The following TSEN2 variants were observed in gnomAD, a reference collection of about 807,000 sequenced individuals.
TSEN2 encodes the protein tRNA-splicing endonuclease subunit Sen2.
Under a neutral mutation model 59.2 loss-of-function variants are expected in TSEN2, and 54 were observed. The observed-to-expected ratio is 0.91, with a 90% CI of 0.73 to 1.14. The LOEUF (loss-of-function observed/expected upper bound fraction) is 1.14. Ranked by LOEUF, TSEN2 falls within the 50% of genes most tolerant of loss-of-function variation. The pLI, the probability that TSEN2 is intolerant of heterozygous loss-of-function variation, is 0.00. For missense variants in TSEN2, 636 were observed against 576.2 expected (o/e 1.10, Z -1.06); for synonymous variants, 195 against 198.2 (o/e 0.98, Z 0.14).
rs1253671348 is a variant in TSEN2 at position 12,529,234 on chromosome 3, A to G, written c.1136+310A>G. On this transcript the variant is annotated intron_variant, in intron 9 of 11. Coordinates refer to ENST00000284995, the MANE Select transcript of TSEN2 (RefSeq NM_025265.4). ...GTAATCCCAGCACTTTGGGAGGCCA[A>G]GGTGGGTGGATCATGAGGTCAGGAA... 3.9e-5 allele frequency among the ~76,000 whole-genome samples: 6 copies of G among 152,204 alleles called. No individual in the cohort carries two copies. In the East Asian group the frequency reaches 5.8e-4, roughly 15 times the overall value.
intron 11 of TSEN2, 120 bp downstream of exon 11, chr3:12,531,779 C>A: frequency 1.4e-6 from 1 of 727,818 alleles, no homozygotes; most frequent in Non-Finnish European, 2.4e-6. Context: ...AGAGCCTTCT[C>A]AGGCAGGCTC....
At chr3:12,480,580 G>A (rs529044537), upstream of TSEN2, among the ~76,000 whole-genome samples, 10 of 139,930 alleles carry the variant, frequency 7.1e-5, no homozygotes, top group Admixed American at 3.1e-4. Context: ...GCCCAGGCTG[G>A]AGTGTAGTGG....
intron 4 of TSEN2, among the ~76,000 whole-genome samples, chr3:12,497,623 G>A (rs773923456): frequency 2.6e-5 from 4 of 152,180 alleles, no homozygotes; most frequent in African/African-American, 4.8e-5. Flanking sequence ...GCAGCAGCTC[G>A]CCCATCAGAA....
intron 6 of TSEN2, among the ~76,000 whole-genome samples, chr3:12,511,972 C>T (rs1398860106): frequency 6.6e-6 from 1 of 152,204 alleles, no homozygotes; most frequent in Non-Finnish European, 1.5e-5. Context: ...GGCAAAATTA[C>T]AGGCAAAAGA....
intron 2 of TSEN2, 66 bp downstream of exon 2, chr3:12,490,055 C>G: frequency 6.8e-7 from 1 of 1,472,396 alleles, no homozygotes; most frequent in Non-Finnish European, 9.5e-7. Flanking sequence ...CTTTCCTTCT[C>G]CCCATCCCAG....
chr3:12,505,282 T>C, intron 6 of TSEN2, 51 bp downstream of exon 6: 1 of 1,112,628 alleles, frequency 9.0e-7, no homozygotes, highest in Non-Finnish European at 1.4e-6. Context: ...GGGCCTGAAC[T>C]ACACTATATG....
At chr3:12,533,659 CAAAAAAAAAAAAAAA>C (rs11322690), downstream of TSEN2, 10 of 53,602 alleles carry the variant, frequency 1.9e-4, no homozygotes, top group African/African-American at 2.4e-4. Flanking sequence ...GGTCCTGTCT[CAAAAAAAAAAAAAAA>C]AAAAAAAAAA....
rs145812749 is a variant in TSEN2 at position 12,533,196 on chromosome 3, C to T, written c.*475C>T. Reference sequence around the variant, plus strand: ...GAACACAACAGTATTGTACAATATTCGATAAGCATATCTTCACTGCACTTG... The same window carrying T: ...GAACACAACAGTATTGTACAATATTTGATAAGCATATCTTCACTGCACTTG... On this transcript the variant is annotated 3_prime_UTR_variant, in exon 12 of 12. Coordinates refer to ENST00000284995, the MANE Select transcript of TSEN2 (RefSeq NM_025265.4). 2.6e-4 allele frequency: 44 copies of T among 170,788 alleles called. No homozygotes were observed. Among genetic ancestry groups the T allele is most frequent in the Non-Finnish European group, 3.7e-4 (29 of 78,422 alleles). The allele number at this position is 170,788 out of a possible 1,614,324, so 10.6% of individuals were successfully genotyped here.
chr3:12,493,360 G>A (rs539395616), intron 3 of TSEN2, among the ~76,000 whole-genome samples: 26 of 152,206 alleles, frequency 1.7e-4, no homozygotes, highest in African/African-American at 5.3e-4. Context: ...CACATTGACC[G>A]CATCATTGTA....
chr3:12,525,039 T>A (rs2056970001), intron 8 of TSEN2, among the ~76,000 whole-genome samples: 1 of 152,142 alleles, frequency 6.6e-6, no homozygotes, highest in Admixed American at 6.5e-5. Context: ...CCACCGTGCC[T>A]GGCCTCTTTT....
intron 7 of TSEN2, 106 bp downstream of exon 7, chr3:12,516,767 G>T: frequency 1.7e-6 from 2 of 1,156,334 alleles, no homozygotes; most frequent in South Asian, 2.6e-5. Flanking sequence ...TACTCTTACT[G>T]AATAAAATAG....
intron 1 of TSEN2, among the ~76,000 whole-genome samples, chr3:12,488,711 G>T (rs1270475895): frequency 6.6e-6 from 1 of 152,156 alleles, no homozygotes; most frequent in African/African-American, 2.4e-5. Context: ...CTCCCTCATG[G>T]TGCTGGGTGC....
At chr3:12,488,626 GT>G (rs1164648426) in intron 1 of TSEN2, among the ~76,000 whole-genome samples, 2 of 152,182 alleles carry the variant, frequency 1.3e-5, no homozygotes, top group African/African-American at 4.8e-5. Flanking sequence ...TTCCAGCTAT[GT>G]TATATACTTG....
intron 10 of TSEN2, chr3:12,530,101 G>A: frequency 7.1e-7 from 1 of 1,413,402 alleles, no homozygotes; most frequent in Non-Finnish European, 9.2e-7. Context: ...CTGCTGCTGA[G>A]CTCCAATGAC....
At chr3:12,502,405 G>A (rs2054358782) in intron 4 of TSEN2, among the ~76,000 whole-genome samples, 1 of 152,074 alleles carries the variant, frequency 6.6e-6, no homozygotes, top group Non-Finnish European at 1.5e-5. Context: ...GGGTGGTGAC[G>A]CAAGCCTGTC....
downstream of TSEN2, among the ~76,000 whole-genome samples, chr3:12,534,568 C>T (rs889770690): frequency 1.3e-5 from 2 of 151,874 alleles, no homozygotes; most frequent in African/African-American, 2.4e-5. Context: ...TTTGGGAGGC[C>T]GAGGTGGGTG....
intron 8 of TSEN2, among the ~76,000 whole-genome samples, chr3:12,521,452 C>T (rs1184627400): frequency 2.6e-5 from 4 of 152,222 alleles, no homozygotes; most frequent in African/African-American, 7.2e-5. Context: ...CAGTGGCTCA[C>T]GCCTGGATTC....
intron 6 of TSEN2, chr3:12,505,443 T>C: frequency 1.8e-6 from 1 of 540,690 alleles, no homozygotes; most frequent in Non-Finnish European, 3.3e-6. Flanking sequence ...TTTGCAATCA[T>C]TCCACAGAAG....
At chr3:12,482,308 A>T (rs1236389683), upstream of TSEN2, among the ~76,000 whole-genome samples, 1 of 152,082 alleles carries the variant, frequency 6.6e-6, no homozygotes, top group Non-Finnish European at 1.5e-5. Context: ...TTTAGTAGAG[A>T]TGGGGTTTCT....
Sources: gnomAD v4.1 joint callset for allele counts (sites outside exome capture counted in the v4.1 genomes callset) on GRCh38, gnomAD v4.1.1 for gene constraint, MANE v1.5 for transcripts, NCBI Gene and HGNC (gene_info 2026-07-23, HGNC 2026-07-21) for gene names.